UNC13C: variants seen among roughly 807,000 people sequenced by gnomAD.
UNC13C encodes unc-13 homolog C.
UNC13C carries 174 observed loss-of-function variants against 245.4 expected under a neutral mutation model. That is an observed-to-expected ratio of 0.71 (90% confidence interval 0.63 to 0.80). The LOEUF is 0.80. Ranked by LOEUF, UNC13C falls within the 30% of genes least tolerant of loss-of-function variation. The pLI is 0.00. For missense variants in UNC13C, 2,829 were observed against 2,602.9 expected (o/e 1.09, Z -1.89); for synonymous variants, 992 against 895.1 (o/e 1.11, Z -1.93).
At chr15:54,016,723 C>T (rs369590219) in intron 2 of UNC13C, among the ~76,000 whole-genome samples, 2 of 152,186 alleles carry the variant, frequency 1.3e-5, no homozygotes, top group South Asian at 2.1e-4. Context: ...CCAACTTCCT[C>T]CGCACTTATT....
intron 19 of UNC13C, among the ~76,000 whole-genome samples, chr15:54,470,653 A>C (rs1276596011): frequency 6.6e-6 from 1 of 151,234 alleles, no homozygotes; most frequent in Non-Finnish European, 1.5e-5. Context: ...TCTAAGAAAA[A>C]AGCTAAGATT....
At chr15:54,284,120 T>C (rs1323383475) in intron 10 of UNC13C, among the ~76,000 whole-genome samples, 2 of 152,218 alleles carry the variant, frequency 1.3e-5, no homozygotes. Flanking sequence ...CTTTGTTCTA[T>C]GGACGGGTAA....
chr15:54,622,400 T>C lies in UNC13C; in HGVS notation c.6180T>C (p.Asp2060=), dbSNP rs754342859. The C allele has an allele frequency of 1.9e-6, 3 of 1,612,782 alleles. No individual in the cohort carries two copies. The highest frequency in any genetic ancestry group is 2.7e-5 in the African/African-American group (2 of 74,832). The change falls in exon 31 of 33, where the codon GAT becomes GAC. Residue 2060 remains aspartate, a synonymous_variant. Transcript: ENST00000260323. ...TCACTGCCACCCCAGGAACGGGAGATCATAAAGTCACTGTAAAAGGTATAC... is the reference window on the plus strand; with the variant it reads ...TCACTGCCACCCCAGGAACGGGAGACCATAAAGTCACTGTAAAAGGTATAC... The part of the protein sequence containing the change: ...VDITATPGTG[D]HKVTVKVIAI...
At chr15:54,099,945 C>CAA (rs1382669547) in intron 2 of UNC13C, among the ~76,000 whole-genome samples, 1 of 151,682 alleles carries the variant, frequency 6.6e-6, no homozygotes, top group Non-Finnish European at 1.5e-5. Flanking sequence ...ATATATAATA[C>CAA]AAAAATTAGC....
intron 31 of UNC13C, among the ~76,000 whole-genome samples, chr15:54,623,495 C>A (rs184873097): frequency 1.2e-4 from 18 of 152,176 alleles, no homozygotes; most frequent in Non-Finnish European, 1.9e-4. Context: ...TCTTCATGTT[C>A]AATACGAACA....
chr15:54,052,086 T>G (rs1168497637), intron 2 of UNC13C, among the ~76,000 whole-genome samples: 1 of 110,224 alleles, frequency 9.1e-6, no homozygotes, highest in Non-Finnish European at 1.9e-5. Flanking sequence ...ACAAAGGACA[T>G]GAACTCATCA....
chr15:54,005,153 G>T (rs1162305023), intron 1 of UNC13C, among the ~76,000 whole-genome samples: 1 of 152,112 alleles, frequency 6.6e-6, no homozygotes, highest in African/African-American at 2.4e-5. Context: ...TGCCTGATAA[G>T]CCTTAAAACC....
chr15:54,372,278 G>A (rs1349881595), intron 17 of UNC13C, among the ~76,000 whole-genome samples: 1 of 151,844 alleles, frequency 6.6e-6, no homozygotes, highest in African/African-American at 2.4e-5. Flanking sequence ...TCATATCAGT[G>A]AGCTTTATCT....
intron 2 of UNC13C, among the ~76,000 whole-genome samples, chr15:54,070,201 T>G (rs1898254771): frequency 6.6e-6 from 1 of 152,244 alleles, no homozygotes; most frequent in African/African-American, 2.4e-5. Flanking sequence ...AGCCTGTTTT[T>G]ACATCAATTC....
the UNC13C span, among the ~76,000 whole-genome samples, chr15:53,844,523 G>A: frequency 6.6e-6 from 1 of 152,080 alleles, no homozygotes; most frequent in African/African-American, 2.4e-5. Context: ...TTTGTTAACT[G>A]GTGTTTATCG....
intron 10 of UNC13C, among the ~76,000 whole-genome samples, chr15:54,274,991 C>A (rs1442466922): frequency 1.3e-5 from 2 of 151,796 alleles, no homozygotes; most frequent in African/African-American, 4.8e-5. Context: ...ATTTTAATAT[C>A]AAAAATGATA....
At chr15:53,987,720 G>T (rs552142547) in intron 1 of UNC13C, among the ~76,000 whole-genome samples, 3 of 151,982 alleles carry the variant, frequency 2.0e-5, no homozygotes, top group African/African-American at 4.8e-5. Context: ...TTTGAAACAT[G>T]CACACAAAAT....
At chr15:54,270,427 A>C (rs191544688) in intron 10 of UNC13C, among the ~76,000 whole-genome samples, 2 of 152,246 alleles carry the variant, frequency 1.3e-5, no homozygotes, top group African/African-American at 4.8e-5. Context: ...AAAAATAGGG[A>C]TAATAATACA....
chr15:54,295,864 C>T (rs1276557858), intron 11 of UNC13C, among the ~76,000 whole-genome samples: 1 of 152,152 alleles, frequency 6.6e-6, no homozygotes, highest in Non-Finnish European at 1.5e-5. Context: ...TTTTTGCCCT[C>T]ATTGCTGATG....
chr15:54,265,321 T>G (rs1567145483), intron 9 of UNC13C, 34 bp from the exon 10 acceptor site: 1 of 1,392,252 alleles, frequency 7.2e-7, no homozygotes. Flanking sequence ...CTGAGGACTC[T>G]GTATGTTAAA....
chr15:54,130,856 A>G (rs1482661770), intron 2 of UNC13C, among the ~76,000 whole-genome samples: 1 of 152,142 alleles, frequency 6.6e-6, no homozygotes, highest in Non-Finnish European at 1.5e-5. Context: ...CTAGAAAGTT[A>G]TAGCTTTTCT....
chr15:54,057,988 A>T (rs1205616500), intron 2 of UNC13C, among the ~76,000 whole-genome samples: 3 of 152,210 alleles, frequency 2.0e-5, no homozygotes, highest in African/African-American at 7.2e-5. Context: ...TTATAGCATT[A>T]AATGCCCAGA....
chr15:54,302,523 C>A (rs540959929), intron 13 of UNC13C, among the ~76,000 whole-genome samples: 1 of 152,256 alleles, frequency 6.6e-6, no homozygotes, highest in East Asian at 1.9e-4. Flanking sequence ...AGCCAGTTTT[C>A]CCAACACCAT....
At chr15:54,348,011 A>G (rs2038898194) in intron 17 of UNC13C, among the ~76,000 whole-genome samples, 1 of 152,200 alleles carries the variant, frequency 6.6e-6, no homozygotes, top group Non-Finnish European at 1.5e-5. Flanking sequence ...TGTATATACT[A>G]ATTCTAGAAC....
Sources: gnomAD v4.1 joint callset for allele counts (sites outside exome capture counted in the v4.1 genomes callset) on GRCh38, gnomAD v4.1.1 for gene constraint, MANE v1.5 for transcripts, NCBI Gene and HGNC (gene_info 2026-07-23, HGNC 2026-07-21) for gene names.